SEM1: variants seen among roughly 807,000 people sequenced by gnomAD.
SEM1 encodes SEM1 26S proteasome subunit.
In SEM1, 3 loss-of-function variants were observed where a neutral mutation model predicts 12.7. The ratio of observed to expected loss-of-function variants is 0.24; its 90% CI spans 0.11 to 0.61. SEM1 has a LOEUF of 0.61. SEM1 is among the 20% of genes least tolerant of loss of function. The pLI, the probability that SEM1 is intolerant of heterozygous loss-of-function variation, is 0.88. For synonymous variants in SEM1, 30 were observed against 27.8 expected, an observed-to-expected ratio of 1.08 and a Z score of -0.25; for missense variants, 59 against 81.3, an observed-to-expected ratio of 0.73 and a Z score of 1.06.
At chr7:96,579,606 G>T (rs758609895) in intron 2 of SEM1, among the ~76,000 whole-genome samples, 1 of 152,226 alleles carries the variant, frequency 6.6e-6, no homozygotes. Context: ...TCAAAACCCT[G>T]CCTCCAGTTG....
At chr7:96,638,480 C>T (rs1377158410) in intron 2 of SEM1, among the ~76,000 whole-genome samples, 3 of 151,850 alleles carry the variant, frequency 2.0e-5, no homozygotes, top group Admixed American at 2.0e-4. Context: ...AAAATAAATG[C>T]ATTTGTGATA....
At chr7:96,490,465 A>G (rs574502287) in intron 1 of SEM1, among the ~76,000 whole-genome samples, 1 of 152,306 alleles carries the variant, frequency 6.6e-6, no homozygotes, top group East Asian at 1.9e-4. Context: ...ATGAACTAGA[A>G]ATAATATTTT....
At chr7:96,643,416 G>T (rs1007893844) in intron 2 of SEM1, among the ~76,000 whole-genome samples, 1 of 151,772 alleles carries the variant, frequency 6.6e-6, no homozygotes, top group Non-Finnish European at 1.5e-5. Flanking sequence ...TTGTTACATA[G>T]GTATACACAT....
chr7:96,613,772 T>G (rs932340314), intron 2 of SEM1, among the ~76,000 whole-genome samples: 3 of 152,226 alleles, frequency 2.0e-5, no homozygotes, highest in Admixed American at 2.0e-4. Flanking sequence ...TTTATAGATT[T>G]GACATATAAG....
chr7:96,518,037 A>AT, intron 2 of SEM1, among the ~76,000 whole-genome samples: 1 of 152,298 alleles, frequency 6.6e-6, no homozygotes, highest in Non-Finnish European at 1.5e-5. Flanking sequence ...ATCATATAGG[A>AT]TGGATATAGC....
chr7:96,619,089 C>T (rs143150799), downstream of SEM1, among the ~76,000 whole-genome samples: 24 of 152,272 alleles, frequency 1.6e-4, no homozygotes, highest in East Asian at 1.4e-3. Flanking sequence ...TTATTTATCT[C>T]GCATTTCAAG....
chr7:96,486,151 A>T, intron 2 of SEM1: 1 of 1,379,578 alleles, frequency 7.2e-7, no homozygotes, highest in Non-Finnish European at 9.8e-7. Context: ...TTAGAGAGTT[A>T]ATTTTTTTTC....
At chr7:96,643,547 A>G (rs553508641) in intron 2 of SEM1, among the ~76,000 whole-genome samples, 3 of 152,154 alleles carry the variant, frequency 2.0e-5, no homozygotes, top group African/African-American at 7.2e-5. Flanking sequence ...AAAGACTTGG[A>G]ACCAACCCAA....
intron 2 of SEM1, among the ~76,000 whole-genome samples, chr7:96,533,487 C>T (rs965894454): frequency 3.9e-5 from 6 of 152,098 alleles, no homozygotes; most frequent in African/African-American, 1.2e-4. Context: ...ATTAGACTGT[C>T]TGATATTTGT....
chr7:96,645,068 T>C (rs934586648), intron 2 of SEM1, among the ~76,000 whole-genome samples: 5 of 152,206 alleles, frequency 3.3e-5, no homozygotes, highest in African/African-American at 1.2e-4. Context: ...ATATTCTTTC[T>C]GTTTTTCTTA....
At chr7:96,489,241 T>C (rs1802901717) in intron 1 of SEM1, among the ~76,000 whole-genome samples, 1 of 152,154 alleles carries the variant, frequency 6.6e-6, no homozygotes, top group Admixed American at 6.5e-5. Flanking sequence ...TCCTGTTCAC[T>C]GATTATTTTC....
chr7:96,488,914 A>G (rs1488642338), intron 1 of SEM1, among the ~76,000 whole-genome samples: 1 of 152,100 alleles, frequency 6.6e-6, no homozygotes, highest in Non-Finnish European at 1.5e-5. Context: ...GTTGGCCTCA[A>G]TGAAGTTTTT....
At chr7:96,524,044 G>T (rs1175284394) in intron 2 of SEM1, among the ~76,000 whole-genome samples, 1 of 152,028 alleles carries the variant, frequency 6.6e-6, no homozygotes, top group Admixed American at 6.6e-5. Flanking sequence ...TGGAGTTTCT[G>T]GTTAGCCTAT....
At chr7:96,629,621 C>T (rs766011358) in intron 2 of SEM1, among the ~76,000 whole-genome samples, 2 of 152,088 alleles carry the variant, frequency 1.3e-5, no homozygotes, top group African/African-American at 4.8e-5. Flanking sequence ...TCCGTTTCTC[C>T]AGGATTGGTC....
At chr7:96,496,459 G>C, upstream of SEM1, 1 of 550,116 alleles carries the variant, frequency 1.8e-6, no homozygotes, top group Non-Finnish European at 3.2e-6. Flanking sequence ...TGGAACATAT[G>C]TTTTCTCCTA....
chr7:96,497,042 C>T (rs1803310341), upstream of SEM1, among the ~76,000 whole-genome samples: 1 of 151,864 alleles, frequency 6.6e-6, no homozygotes, highest in African/African-American at 2.4e-5. Flanking sequence ...CTCTGTCATA[C>T]ACACACTTTC....
chr7:96,584,867 T>C (rs1015123261), intron 2 of SEM1, among the ~76,000 whole-genome samples: 1 of 151,402 alleles, frequency 6.6e-6, no homozygotes, highest in African/African-American at 2.4e-5. Context: ...TTATACATTC[T>C]TCTAAATTTT....
chr7:96,645,667 T>C, intron 2 of SEM1: 1 of 397,160 alleles, frequency 2.5e-6, no homozygotes, highest in Non-Finnish European at 4.4e-6. Context: ...TACACAGTAG[T>C]TTTATTTTCA....
At chr7:96,570,499 T>C (rs1333934139) in intron 2 of SEM1, among the ~76,000 whole-genome samples, 1 of 152,178 alleles carries the variant, frequency 6.6e-6, no homozygotes, top group African/African-American at 2.4e-5. Flanking sequence ...TCCAGCTTCA[T>C]TCATGTCCCT....
Sources: gnomAD v4.1 joint callset for allele counts (sites outside exome capture counted in the v4.1 genomes callset) on GRCh38, gnomAD v4.1.1 for gene constraint, MANE v1.5 for transcripts, NCBI Gene and HGNC (gene_info 2026-07-23, HGNC 2026-07-21) for gene names.